Variants in PLXDC2 observed in about 807,000 individuals in gnomAD.
PLXDC2 encodes plexin domain containing 2, also known as plexin domain-containing protein 2.
Under a neutral mutation model 68.9 loss-of-function variants are expected in PLXDC2, and 40 were observed. That is an observed-to-expected ratio of 0.58 (90% CI 0.45 to 0.76). PLXDC2 has a LOEUF of 0.76. Ranked by LOEUF, PLXDC2 falls within the 30% of genes least tolerant of loss-of-function variation. The pLI, the probability that PLXDC2 is intolerant of heterozygous loss-of-function variation, is 0.00. For synonymous variants in PLXDC2, 243 were observed against 234.2 expected, an observed-to-expected ratio of 1.04 and a Z score of -0.34; for missense variants, 644 against 661.9, an observed-to-expected ratio of 0.97 and a Z score of 0.30.
At chr10:20,211,847 CCTT>C in intron 10 of PLXDC2, 118 bp downstream of exon 10, 1 of 938,556 alleles carries the variant, frequency 1.1e-6, no homozygotes, top group Middle Eastern at 2.3e-4. Flanking sequence ...GGAGAAGAAT[CCTT>C]CTATAAGCCC....
chr10:19,862,794 T>C (rs1045747819), intron 1 of PLXDC2, among the ~76,000 whole-genome samples: 4 of 152,190 alleles, frequency 2.6e-5, no homozygotes, highest in Non-Finnish European at 4.4e-5. Flanking sequence ...CTTAAACTTA[T>C]TGTAGTTTTG....
chr10:20,264,301 C>A (rs1835844393), intron 13 of PLXDC2, among the ~76,000 whole-genome samples: 1 of 152,046 alleles, frequency 6.6e-6, no homozygotes, highest in Admixed American at 6.6e-5. Flanking sequence ...ACAATAGACA[C>A]TGGGGTCTGC....
intron 4 of PLXDC2, chr10:20,091,729 C>G (rs1833279494): frequency 6.6e-6 from 1 of 152,160 alleles, no homozygotes; most frequent in Non-Finnish European, 1.5e-5. Flanking sequence ...CCTCAGATTC[C>G]TTACCTGGAT....
chr10:20,048,958 G>C (rs939522018), intron 3 of PLXDC2, among the ~76,000 whole-genome samples: 5 of 152,068 alleles, frequency 3.3e-5, no homozygotes, highest in Non-Finnish European at 7.4e-5. Flanking sequence ...TACATAAATG[G>C]AAGGACTTGA....
intron 4 of PLXDC2, among the ~76,000 whole-genome samples, chr10:20,134,706 C>T (rs1274323621): frequency 1.3e-5 from 2 of 152,194 alleles, no homozygotes; most frequent in Admixed American, 1.3e-4. Context: ...GGCCAAACTA[C>T]TTTGTACCGG....
In PLXDC2 at chr10:20,210,467, T is replaced by C. The variant is rs73605607; in HGVS notation, c.1062-1202T>C. 4.2e-3 allele frequency among the ~76,000 whole-genome samples: 641 copies of C among 152,252 alleles called. 6 individuals carry two copies. Among genetic ancestry groups the C allele is most frequent in the African/African-American group, 0.015 (609 of 41,564 alleles). ...GTAATTTCTGGGTCTTAGAAAATTA[T>C]TGGGCTGTGTAAGAGTACGTAGGGA... On this transcript the variant is annotated intron_variant, in intron 9 of 13. Coordinates refer to ENST00000377252, the MANE Select transcript of PLXDC2 (RefSeq NM_032812.9).
At chr10:20,061,181 T>C (rs981357078) in intron 3 of PLXDC2, among the ~76,000 whole-genome samples, 4 of 152,216 alleles carry the variant, frequency 2.6e-5, no homozygotes, top group Non-Finnish European at 5.9e-5. Context: ...TATTCCAATT[T>C]TGCTAATTGT....
At chr10:19,981,795 G>T (rs1278783799) in intron 1 of PLXDC2, among the ~76,000 whole-genome samples, 1 of 152,178 alleles carries the variant, frequency 6.6e-6, no homozygotes, top group African/African-American at 2.4e-5. Context: ...TACAATAATG[G>T]ATTATTTCAA....
chr10:20,029,538 G>A (rs75323830), intron 2 of PLXDC2, among the ~76,000 whole-genome samples: 2,058 of 152,004 alleles, frequency 0.014, 38 homozygotes, highest in African/African-American at 0.045. Context: ...TAATAATATT[G>A]ATTCCCCTCC....
chr10:20,248,530 C>T (rs1490962550), intron 13 of PLXDC2, among the ~76,000 whole-genome samples: 1 of 152,172 alleles, frequency 6.6e-6, no homozygotes, highest in Non-Finnish European at 1.5e-5. Context: ...CAGCAGGTCT[C>T]CCAGCTTTTC....
In PLXDC2 at chr10:20,182,536, T is replaced by C. The variant is rs146579965; in HGVS notation, c.1061+5127T>C. Among the ~76,000 whole-genome samples, 524 of 152,038 alleles carry C rather than the reference T, an allele frequency of 3.4e-3. 2 individuals are homozygous for C. The highest frequency in any genetic ancestry group is 0.011 in the African/African-American group (466 of 41,510). On this transcript the variant is annotated intron_variant, in intron 9 of 13. Coordinates refer to ENST00000377252, the MANE Select transcript of PLXDC2 (RefSeq NM_032812.9). ...GGTTGTTTTTAGAGGCTTTTATGAG[T>C]GATGAATAAACCCACTATGAATATT...
intron 12 of PLXDC2, among the ~76,000 whole-genome samples, chr10:20,226,052 G>A (rs2131872828): frequency 6.6e-6 from 1 of 152,254 alleles, no homozygotes; most frequent in East Asian, 1.9e-4. Context: ...GAGTTGAATG[G>A]ATATTTGACC....
intron 9 of PLXDC2, among the ~76,000 whole-genome samples, chr10:20,194,876 A>T (rs1834817038): frequency 6.8e-6 from 1 of 147,282 alleles, no homozygotes; most frequent in African/African-American, 2.5e-5. Flanking sequence ...AGCTTTGCTC[A>T]ATTACTATTA....
In PLXDC2 at chr10:20,131,066, T is replaced by C. The variant is rs1341138511; in HGVS notation, c.542-12229T>C. ...TAAGTAGTATTGGTGTTAAATATCC[T>C]TTAAATGTTTGGTAGAATTTACCCC... On this transcript the variant is annotated intron_variant, in intron 4 of 13. Transcript: ENST00000377252. Among the ~76,000 whole-genome samples the C allele has an allele frequency of 2.6e-5, 4 of 152,164 alleles. No individual in the cohort carries two copies. In the East Asian group the frequency reaches 7.7e-4, roughly 29 times the overall value.
Position 20,217,596 on chromosome 10 carries a change from C to CTTTTTTTTTTTTTTT in PLXDC2, c.1273+34_1273+48dup. Reference sequence around the variant, plus strand: ...CAGAAGGTACCCAAGAGATAGTTTGCTTTTTTTTTTTTTTTTTTTTTTTTT... The same window carrying CTTTTTTTTTTTTTTT: ...CAGAAGGTACCCAAGAGATAGTTTGCTTTTTTTTTTTTTTTTTTTTTTTTTTTTTTTTTTTTTTTT... On this transcript the variant is annotated intron_variant, in intron 11 of 13. Transcript: ENST00000377252. 5.1e-6 allele frequency: 4 copies of CTTTTTTTTTTTTTTT among 783,774 alleles called. No individual in the cohort carries two copies. The highest frequency in any genetic ancestry group is 6.2e-6 in the Non-Finnish European group (4 of 647,410). 48.6% of individuals were successfully genotyped at this position (783,774 alleles called of 1,614,324 possible).
intron 4 of PLXDC2, among the ~76,000 whole-genome samples, chr10:20,076,362 C>T (rs1246148864): frequency 6.6e-6 from 1 of 152,150 alleles, no homozygotes; most frequent in East Asian, 1.9e-4. Context: ...TAAGCCAAGG[C>T]AATCGTAACT....
At chr10:20,231,234 A>AAT (rs945364192) in intron 12 of PLXDC2, among the ~76,000 whole-genome samples, 3 of 150,052 alleles carry the variant, frequency 2.0e-5, no homozygotes, top group African/African-American at 2.4e-5. Context: ...TCAAACTTCT[A>AAT]ATATATATAT....
At chr10:20,039,432 G>T (rs74660192) in intron 2 of PLXDC2, among the ~76,000 whole-genome samples, 2,692 of 152,276 alleles carry the variant, frequency 0.018, 77 homozygotes, top group African/African-American at 0.061. Context: ...GTATTCGAAA[G>T]AAAAGGTAAT....
intron 1 of PLXDC2, among the ~76,000 whole-genome samples, chr10:19,825,861 CTT>C (rs1554837880): frequency 6.6e-6 from 1 of 152,136 alleles, no homozygotes; most frequent in Non-Finnish European, 1.5e-5. Flanking sequence ...TATATGCTGT[CTT>C]TTTGTTCATT....
Sources: gnomAD v4.1 joint callset for allele counts (sites outside exome capture counted in the v4.1 genomes callset) on GRCh38, gnomAD v4.1.1 for gene constraint, MANE v1.5 for transcripts, NCBI Gene and HGNC (gene_info 2026-07-23, HGNC 2026-07-21) for gene names.